Variants in GTF2H1 observed in about 807,000 individuals in gnomAD.
GTF2H1 encodes general transcription factor IIH subunit 1, also known as BTF2 p62.
GTF2H1 carries 16 observed loss-of-function variants against 71.2 expected under a neutral mutation model. The ratio of observed to expected loss-of-function variants is 0.22; its 90% CI spans 0.15 to 0.34. The LOEUF is 0.34. GTF2H1 is among the 10% of genes least tolerant of loss of function. The pLI is 1.00. For synonymous variants in GTF2H1, 215 were observed against 219.0 expected (o/e 0.98, Z 0.16); for missense variants, 498 against 648.2 (o/e 0.77, Z 2.52).
chr11:18,357,388 A>AT (rs1052076018), intron 11 of GTF2H1, among the ~76,000 whole-genome samples: 4 of 150,754 alleles, frequency 2.7e-5, no homozygotes, highest in Admixed American at 6.6e-5. Flanking sequence ...TCTGCTCTTT[A>AT]TTTTTTTTTC....
chr11:18,337,102 C>T (rs1011209181), intron 3 of GTF2H1, among the ~76,000 whole-genome samples: 13 of 152,112 alleles, frequency 8.5e-5, no homozygotes, highest in African/African-American at 3.1e-4. Flanking sequence ...GCCAGCAGTG[C>T]TTATATCTGT....
intron 1 of GTF2H1, among the ~76,000 whole-genome samples, chr11:18,329,775 G>A (rs1590180672): frequency 6.6e-6 from 1 of 152,080 alleles, no homozygotes; most frequent in South Asian, 2.1e-4. Context: ...TGTAGAAGTC[G>A]TCTCTTCAAG....
chr11:18,364,425 G>A (rs534713781), intron 14 of GTF2H1, among the ~76,000 whole-genome samples: 213 of 152,174 alleles, frequency 1.4e-3, no homozygotes, highest in Non-Finnish European at 2.2e-3. Flanking sequence ...TACCTCAAAA[G>A]TCAGTATAAG....
In GTF2H1 at chr11:18,365,936, C is replaced by A; in HGVS notation, c.*67C>A. 1 of 1,080,368 alleles carries A rather than the reference C, an allele frequency of 9.3e-7. No individual in the cohort carries two copies. The highest frequency in any genetic ancestry group is 1.4e-6 in the Non-Finnish European group (1 of 708,016). 66.9% of individuals were successfully genotyped at this position (1,080,368 alleles called of 1,614,324 possible). ...TATGACCTGCAGCAACTCTGGAAAC[C>A]TGGCCTGACAGACAAGCAGATGACC... On this transcript the variant is annotated 3_prime_UTR_variant, in exon 15 of 15. Coordinates refer to ENST00000265963, the MANE Select transcript of GTF2H1 (RefSeq NM_005316.4).
intron 7 of GTF2H1, among the ~76,000 whole-genome samples, chr11:18,343,221 C>T (rs1012111384): frequency 1.3e-5 from 2 of 152,212 alleles, no homozygotes; most frequent in Non-Finnish European, 2.9e-5. Context: ...TGTGCCCGGC[C>T]CAAGCCCAGT....
chr11:18,363,951 CT>C (rs1456104524), intron 14 of GTF2H1, among the ~76,000 whole-genome samples: 1 of 151,958 alleles, frequency 6.6e-6, no homozygotes, highest in East Asian at 1.9e-4. Flanking sequence ...GCAAGTGCCC[CT>C]AATCCCAGCT....
At chr11:18,333,920 A>G (rs1864961498) in intron 2 of GTF2H1, among the ~76,000 whole-genome samples, 1 of 152,176 alleles carries the variant, frequency 6.6e-6, no homozygotes, top group African/African-American at 2.4e-5. Flanking sequence ...CTTATAGTGA[A>G]TGTAGGTGGT....
chr11:18,357,689 A>C (rs1865589492), intron 11 of GTF2H1, among the ~76,000 whole-genome samples: 1 of 152,188 alleles, frequency 6.6e-6, no homozygotes, highest in African/African-American at 2.4e-5. Context: ...AAAGGGCTTT[A>C]ACTAGGCAAA....
At chr11:18,342,245 T>C (rs1266648805) in intron 7 of GTF2H1, among the ~76,000 whole-genome samples, 1 of 143,752 alleles carries the variant, frequency 7.0e-6, no homozygotes, top group Non-Finnish European at 1.5e-5. Context: ...TTCTTCTTTT[T>C]CTGTCTCTTT....
intron 14 of GTF2H1, among the ~76,000 whole-genome samples, chr11:18,365,379 AAAAAT>A (rs369378360): frequency 1.3e-4 from 20 of 152,214 alleles, no homozygotes; most frequent in African/African-American, 1.9e-4. Flanking sequence ...CTCTGTCTCA[AAAAAT>A]AAAATAAAAT....
chr11:18,342,315 G>A (rs1865179248), intron 7 of GTF2H1, among the ~76,000 whole-genome samples: 1 of 127,142 alleles, frequency 7.9e-6, no homozygotes, highest in South Asian at 2.6e-4. Context: ...AGGCTGGAGT[G>A]CAGTGGCGCA....
rs537024928 is a variant in GTF2H1, at chr11:18,348,054, T to A, written c.1053+135T>A. 5.6e-6 allele frequency: 4 copies of A among 718,984 alleles called. No homozygotes were observed. The East Asian group carries it at 1.1e-4, about 19-fold the overall frequency. The allele number at this position is 718,984 out of a possible 1,614,324, so 44.5% of individuals were successfully genotyped here. A position where few individuals can be genotyped will look rare whatever the true frequency, so the allele number is the denominator to read the frequency against. ...GATGTTAAGCATTTGGCTTAAAGTGTATAGCATTACAAAGAGTATTTCCCC... is the reference window on the plus strand; with the variant it reads ...GATGTTAAGCATTTGGCTTAAAGTGAATAGCATTACAAAGAGTATTTCCCC... On this transcript the variant is annotated intron_variant, in intron 9 of 14. Coordinates refer to ENST00000265963, the MANE Select transcript of GTF2H1 (RefSeq NM_005316.4).
At chr11:18,342,750 TAAAC>T (rs1012004881) in intron 7 of GTF2H1, among the ~76,000 whole-genome samples, 1 of 152,156 alleles carries the variant, frequency 6.6e-6, no homozygotes. Context: ...TTCTTTAAAA[TAAAC>T]ATGATGGCAT....
chr11:18,335,359 CA>C (rs1313359390), intron 2 of GTF2H1, among the ~76,000 whole-genome samples: 1 of 152,138 alleles, frequency 6.6e-6, no homozygotes, highest in African/African-American at 2.4e-5. Flanking sequence ...CCGCATTTTG[CA>C]GTCTTTTGGA....
intron 13 of GTF2H1, 41 bp from the exon 14 acceptor site, chr11:18,360,574 T>C (rs371904056): frequency 3.1e-6 from 3 of 969,166 alleles, no homozygotes; most frequent in Non-Finnish European, 4.7e-6. Context: ...TCTCTACAGC[T>C]TGAGATTTCT....
chr11:18,333,976 T>A (rs1864962748), intron 2 of GTF2H1, among the ~76,000 whole-genome samples: 1 of 152,182 alleles, frequency 6.6e-6, no homozygotes, highest in Non-Finnish European at 1.5e-5. Context: ...GTGCAATGGC[T>A]CACACCTGTA....
At chr11:18,331,671 AAAAAG>A (rs1864902284) in intron 1 of GTF2H1, among the ~76,000 whole-genome samples, 2 of 152,114 alleles carry the variant, frequency 1.3e-5, no homozygotes, top group South Asian at 4.2e-4. Context: ...CGTCTCAAAA[AAAAAG>A]AGGTGATGGT....
intron 11 of GTF2H1, among the ~76,000 whole-genome samples, chr11:18,356,063 T>C (rs1761693141): frequency 6.6e-6 from 1 of 152,102 alleles, no homozygotes; most frequent in African/African-American, 2.4e-5. Flanking sequence ...GAATTTTCTT[T>C]TTAGCACTGA....
intron 7 of GTF2H1, among the ~76,000 whole-genome samples, chr11:18,344,653 C>T (rs948015657): frequency 2.0e-5 from 3 of 149,666 alleles, no homozygotes; most frequent in African/African-American, 7.4e-5. Flanking sequence ...TAATATAAAT[C>T]AGATCCTAAT....
Sources: gnomAD v4.1 joint callset for allele counts (sites outside exome capture counted in the v4.1 genomes callset) on GRCh38, gnomAD v4.1.1 for gene constraint, MANE v1.5 for transcripts, NCBI Gene and HGNC (gene_info 2026-07-23, HGNC 2026-07-21) for gene names.